Variants in LINGO2 observed in about 807,000 individuals in gnomAD.
The protein encoded by LINGO2 is leucine-rich repeat and immunoglobulin-like domain-containing nogo receptor-interacting protein 2.
Under a neutral mutation model 30.6 loss-of-function variants are expected in LINGO2, and 14 were observed. That is an observed-to-expected ratio of 0.46 (90% CI 0.30 to 0.72). The LOEUF (loss-of-function observed/expected upper bound fraction) is 0.72, where lower values mean the gene tolerates loss of function less well. LINGO2 is among the 30% of genes least tolerant of loss of function. The pLI is 0.07. For missense variants in LINGO2, 729 were observed against 751.7 expected (o/e 0.97, Z 0.35); for synonymous variants, 317 against 288.5 (o/e 1.10, Z -1.00).
At position 28,659,400 on chromosome 9, in the gene LINGO2, T is replaced by C. The variant is rs566106261; in HGVS notation, c.-365+10800A>G. ...AATATTGCAGGAGGAAAGATTACCT[T>C]CTTCAAAGACAGCAATAGCTTGACA... On this transcript the variant is annotated intron_variant, in intron 1 of 5. Coordinates refer to ENST00000379992, the Ensembl canonical transcript of LINGO2. 3.0e-4 allele frequency among the ~76,000 whole-genome samples: 46 copies of C among 152,102 alleles called. 1 individual carries two copies. In the South Asian group the frequency reaches 8.1e-3, roughly 27 times the overall value.
intron 1 of LINGO2, among the ~76,000 whole-genome samples, chr9:28,541,153 C>CA (rs1479642780): frequency 4.6e-5 from 7 of 152,142 alleles, no homozygotes; most frequent in African/African-American, 1.7e-4. Flanking sequence ...AAAAACAACT[C>CA]AAACTATGCA....
In LINGO2 at chr9:28,148,928, C is replaced by A; in HGVS notation, c.-86-136523G>T. Reference sequence around the variant, plus strand: ...TCTTGGGTCAAGTAGGTCTTCTCCACACAGAGCTGCCGGCCACAGTTCCCA... The same window carrying A: ...TCTTGGGTCAAGTAGGTCTTCTCCAAACAGAGCTGCCGGCCACAGTTCCCA... On this transcript the variant is annotated intron_variant, in intron 4 of 5. Coordinates refer to ENST00000379992, the Ensembl canonical transcript of LINGO2. The surrounding 1 kb of genome is among the most constrained non-coding windows in gnomAD (Gnocchi z 5.1). 1 of 1,533,952 alleles carries A rather than the reference C, an allele frequency of 6.5e-7. No homozygotes were observed. Among genetic ancestry groups the A allele is most frequent in the Non-Finnish European group, 8.7e-7 (1 of 1,146,652 alleles).
chr9:29,135,724 T>C, the LINGO2 span, among the ~76,000 whole-genome samples: 12 of 152,072 alleles, frequency 7.9e-5, no homozygotes, highest in Non-Finnish European at 7.4e-5. Context: ...CAACCAACCT[T>C]CAGAATTATC....
intron 4 of LINGO2, among the ~76,000 whole-genome samples, chr9:28,046,194 T>C (rs1039419646): frequency 2.0e-5 from 3 of 152,194 alleles, no homozygotes; most frequent in African/African-American, 7.2e-5. Context: ...TTCCCTTAGA[T>C]GCAGTATACG....
the LINGO2 span, among the ~76,000 whole-genome samples, chr9:29,110,016 T>A: frequency 6.6e-6 from 1 of 152,166 alleles, no homozygotes; most frequent in Non-Finnish European, 1.5e-5. Flanking sequence ...TAGAAGAATT[T>A]AGGATTATCA....
chr9:29,051,852 A>G, the LINGO2 span, among the ~76,000 whole-genome samples: 15 of 152,194 alleles, frequency 9.9e-5, no homozygotes, highest in African/African-American at 3.6e-4. Context: ...TTGTGTTATA[A>G]ATTTTTCATC....
intron 2 of LINGO2, among the ~76,000 whole-genome samples, chr9:28,392,873 T>G (rs1821894641): frequency 6.6e-6 from 1 of 152,212 alleles, no homozygotes; most frequent in African/African-American, 2.4e-5. Flanking sequence ...AGATCAAAAA[T>G]ATTTCTTATG....
At chr9:28,825,041 T>C in the LINGO2 span, among the ~76,000 whole-genome samples, 1 of 152,166 alleles carries the variant, frequency 6.6e-6, no homozygotes, top group Non-Finnish European at 1.5e-5. Context: ...ACTCAAACCA[T>C]TATGAAGGCA....
intron 4 of LINGO2, among the ~76,000 whole-genome samples, chr9:28,261,428 A>T (rs1458024099): frequency 6.6e-6 from 1 of 151,942 alleles, no homozygotes; most frequent in East Asian, 1.9e-4. Flanking sequence ...GTTACCATCT[A>T]TCCTTGGGTT....
At chr9:28,805,468 T>G in the LINGO2 span, among the ~76,000 whole-genome samples, 1 of 152,158 alleles carries the variant, frequency 6.6e-6, no homozygotes, top group Admixed American at 6.6e-5. Context: ...ATTCCATGAA[T>G]GTAACAGCCA....
the LINGO2 span, among the ~76,000 whole-genome samples, chr9:29,163,147 C>T: frequency 6.6e-6 from 1 of 152,156 alleles, no homozygotes; most frequent in African/African-American, 2.4e-5. Flanking sequence ...TACATCTTAA[C>T]ACTAACTAGA....
rs542268750 is a variant in LINGO2, at chr9:28,329,917, T to G, written c.-245-34551A>C. On this transcript the variant is annotated intron_variant, in intron 3 of 5. Coordinates refer to ENST00000379992, the Ensembl canonical transcript of LINGO2. The surrounding 1 kb of genome is among the most constrained non-coding windows in gnomAD (Gnocchi z 4.5). The stretch of plus-strand genomic sequence containing the variant: ...TATTTAGCTCTTCCAATAGACACTT[T>G]CTTTTAATTTTTATGTATTTATTTC... Among the ~76,000 whole-genome samples, 45 of 152,302 alleles carry G rather than the reference T, an allele frequency of 3.0e-4. No homozygotes were observed. Among genetic ancestry groups the G allele is most frequent in the Admixed American group, 1.8e-3 (28 of 15,292 alleles).
chr9:28,047,623 C>T (rs903374151), intron 4 of LINGO2, among the ~76,000 whole-genome samples: 2 of 150,668 alleles, frequency 1.3e-5, no homozygotes, highest in African/African-American at 4.9e-5. Context: ...TCAGCTTCCT[C>T]GGGAGAGTTA....
the LINGO2 span, among the ~76,000 whole-genome samples, chr9:28,982,245 A>T: frequency 6.6e-6 from 1 of 152,250 alleles, no homozygotes; most frequent in East Asian, 1.9e-4. Flanking sequence ...TGTAAACTTT[A>T]GCAACTAAGC....
intron 4 of LINGO2, among the ~76,000 whole-genome samples, chr9:28,172,977 A>G (rs1178826675): frequency 6.6e-6 from 1 of 152,174 alleles, no homozygotes; most frequent in Non-Finnish European, 1.5e-5. Flanking sequence ...AAACTTGTTG[A>G]AACTATTCTC....
At chr9:27,966,144 G>A (rs1388994331) in intron 5 of LINGO2, among the ~76,000 whole-genome samples, 1 of 152,024 alleles carries the variant, frequency 6.6e-6, no homozygotes, top group Non-Finnish European at 1.5e-5. Flanking sequence ...ACTGAAGGAA[G>A]TACTGAAAAC....
chr9:28,523,412 C>T (rs1820898230), intron 1 of LINGO2, among the ~76,000 whole-genome samples: 1 of 152,156 alleles, frequency 6.6e-6, no homozygotes. Context: ...AGGATATTCA[C>T]ATTCCCCACT....
chr9:29,128,865 C>T, the LINGO2 span, among the ~76,000 whole-genome samples: 2 of 152,002 alleles, frequency 1.3e-5, no homozygotes, highest in Non-Finnish European at 2.9e-5. Context: ...TGGCTTATAA[C>T]TAAAAGAGCA....
At chr9:28,498,968 A>C (rs758578147) in intron 1 of LINGO2, among the ~76,000 whole-genome samples, 1 of 152,110 alleles carries the variant, frequency 6.6e-6, no homozygotes, top group Admixed American at 6.6e-5. Flanking sequence ...TTACTCAAAT[A>C]CTTTTTTTTT....
Sources: gnomAD v4.1 joint callset for allele counts (sites outside exome capture counted in the v4.1 genomes callset) on GRCh38, gnomAD v4.1.1 for gene constraint, Gnocchi (gnomAD v3.1) non-coding constraint, MANE v1.5 for transcripts, NCBI Gene and HGNC (gene_info 2026-07-23, HGNC 2026-07-21) for gene names.